SDK2: variants seen among roughly 807,000 people sequenced by gnomAD.
The protein encoded by SDK2 is protein sidekick-2.
In SDK2, 105 loss-of-function variants were observed where a neutral mutation model predicts 253.9. The observed-to-expected ratio is 0.41, with a 90% CI of 0.35 to 0.49. SDK2 has a LOEUF of 0.49. Ranked by LOEUF, SDK2 falls within the 20% of genes least tolerant of loss-of-function variation. The pLI is 0.06. For missense variants in SDK2, 2,608 were observed against 3,003.0 expected (o/e 0.87, Z 3.07); for synonymous variants, 1,249 against 1,234.9 (o/e 1.01, Z -0.24).
intron 40 of SDK2, 102 bp downstream of exon 40, chr17:73,357,977 C>A: frequency 6.4e-7 from 1 of 1,558,618 alleles, no homozygotes; most frequent in Non-Finnish European, 8.8e-7. Flanking sequence ...AGCACAAGCG[C>A]CTTCTCAGGC....
intron 16 of SDK2, among the ~76,000 whole-genome samples, chr17:73,418,023 T>TTTTG (rs1243108828): frequency 7.4e-5 from 11 of 149,400 alleles, no homozygotes; most frequent in Admixed American, 1.3e-4. Context: ...TTTTTTTTTT[T>TTTTG]TTTTTGTTTT....
intron 9 of SDK2, among the ~76,000 whole-genome samples, chr17:73,434,780 G>T (rs2063354080): frequency 6.6e-6 from 1 of 152,186 alleles, no homozygotes; most frequent in Admixed American, 6.5e-5. Context: ...ACAGGTGTGT[G>T]CCACCCTGCC....
chr17:73,363,993 C>T lies in SDK2; in HGVS notation c.5305+1265G>A, dbSNP rs1354814879. 5.9e-5 allele frequency among the ~76,000 whole-genome samples: 9 copies of T among 152,058 alleles called. No individual in the cohort carries two copies. The East Asian group carries it at 7.8e-4, about 13-fold the overall frequency. On this transcript the variant is annotated intron_variant, in intron 38 of 44. Coordinates refer to ENST00000392650, the MANE Select transcript of SDK2 (RefSeq NM_001144952.2). ...GAGGGCCATTGTTCCCTAGGCTCAC[C>T]GAGAACTGCTGGTCACAACGATGTT...
intron 2 of SDK2, among the ~76,000 whole-genome samples, chr17:73,505,477 TGTCATC>T (rs1410574249): frequency 7.0e-6 from 1 of 142,920 alleles, no homozygotes; most frequent in Non-Finnish European, 1.6e-5. Flanking sequence ...TCATTGTTAT[TGTCATC>T]ATCATCATCA....
At chr17:73,567,564 C>T (rs1356603319) in intron 1 of SDK2, among the ~76,000 whole-genome samples, 1 of 152,248 alleles carries the variant, frequency 6.6e-6, no homozygotes, top group Non-Finnish European at 1.5e-5. Flanking sequence ...CTTACAACCT[C>T]AACATGAACA....
chr17:73,350,401 C>T lies in SDK2; in HGVS notation c.5900-26G>A, dbSNP rs748511818. 3.1e-6 allele frequency: 5 copies of T among 1,603,502 alleles called. No individual in the cohort carries two copies. In the African/African-American group the frequency reaches 5.4e-5, roughly 17 times the overall value. On this transcript the variant is annotated intron_variant, in intron 42 of 44. Transcript: ENST00000392650. The stretch of plus-strand genomic sequence containing the variant: ...CTGAAGTCGGCGGGAGATTGACACC[C>T]TTTAGACTGTGTGGCCTCCCCTCTC...
intron 1 of SDK2, among the ~76,000 whole-genome samples, chr17:73,585,454 C>G (rs1001165471): frequency 1.3e-5 from 2 of 152,236 alleles, no homozygotes; most frequent in Non-Finnish European, 2.9e-5. Flanking sequence ...GACTCCTGAG[C>G]CTTCCCCAGA....
chr17:73,429,909 G>A (rs1009183607), intron 12 of SDK2, among the ~76,000 whole-genome samples: 3 of 152,228 alleles, frequency 2.0e-5, no homozygotes, highest in Admixed American at 2.0e-4. Flanking sequence ...CCACAGAGGC[G>A]GGACTGAGTT....
At position 73,350,251 on chromosome 17, in the gene SDK2, G is replaced by A. The variant is rs768917020; in HGVS notation, c.6024C>T (p.Asn2008=). ...LSVKNSFCRK[N]GLYTRSPPRP... Reference sequence around the variant, plus strand: ...GGGCCCAGTACCTGGTGTACAGGCCGTTCTTTCGGCAGAAAGAGTTCTTGA... The same window carrying A: ...GGGCCCAGTACCTGGTGTACAGGCCATTCTTTCGGCAGAAAGAGTTCTTGA... The change falls in exon 43 of 45, where the codon AAC becomes AAT. Residue 2008 remains asparagine (N), a synonymous_variant. Coordinates refer to ENST00000392650, the MANE Select transcript of SDK2 (RefSeq NM_001144952.2). The A allele has an allele frequency of 9.4e-6, 12 of 1,275,736 alleles. No individual in the cohort carries two copies. The highest frequency in any genetic ancestry group is 8.8e-5 in the Admixed American group (3 of 34,054). 79.0% of individuals were successfully genotyped at this position (1,275,736 alleles called of 1,614,324 possible).
At position 73,438,172 on chromosome 17, in the gene SDK2, A is replaced by T. The variant is rs2063385737; in HGVS notation, c.726-18T>A. 1 of 1,545,014 alleles carries T rather than the reference A, an allele frequency of 6.5e-7. No homozygotes were observed. The highest frequency in any genetic ancestry group is 1.2e-5 in the South Asian group (1 of 83,460). ...TCAGGGGCCTGCAGAGGGCAAGGGA[A>T]GGCCAGTGTTCAGCCATGAGGACTC... On this transcript the variant is annotated intron_variant, in intron 6 of 44. Transcript: ENST00000392650.
At chr17:73,436,764 G>A (rs1444745669) in intron 8 of SDK2, among the ~76,000 whole-genome samples, 2 of 151,598 alleles carry the variant, frequency 1.3e-5, no homozygotes, top group Non-Finnish European at 2.9e-5. Context: ...CCATGGTCAC[G>A]TCTCCGAGAT....
chr17:73,355,174 A>ATATATATATATATATTTTTTTTTTT, intron 40 of SDK2, among the ~76,000 whole-genome samples: 2 of 47,220 alleles, frequency 4.2e-5, no homozygotes, highest in Non-Finnish European at 6.7e-5. Flanking sequence ...ATATATATAT[A>ATATATATATATATATTTTTTTTTTT]TTTTTTTTTT....
Position 73,431,991 on chromosome 17 carries a change from C to T in SDK2, c.1313-322G>A, listed in dbSNP as rs930112786. On this transcript the variant is annotated intron_variant, in intron 10 of 44. Transcript: ENST00000392650. This position sits in a 1 kb window ranked among gnomAD's most constrained non-coding sequence, Gnocchi z 5.6. The stretch of plus-strand genomic sequence containing the variant: ...TTCCTGATGACGGTGAGCAGTAGCC[C>T]GGCACAGCCCTCAGAGGCAGCTGGC... Among the ~76,000 whole-genome samples the T allele has an allele frequency of 3.3e-5, 5 of 152,238 alleles. No individual in the cohort carries two copies. The highest frequency in any genetic ancestry group is 5.9e-5 in the Non-Finnish European group (4 of 68,010).
At chr17:73,524,338 A>T (rs527241479) in intron 1 of SDK2, among the ~76,000 whole-genome samples, 1 of 152,308 alleles carries the variant, frequency 6.6e-6, no homozygotes, top group East Asian at 1.9e-4. Flanking sequence ...AAGGAGACCA[A>T]CATGGCCCCC....
intron 36 of SDK2, 58 bp from the exon 37 acceptor site, chr17:73,368,651 G>A: frequency 8.6e-6 from 12 of 1,388,230 alleles, no homozygotes; most frequent in Non-Finnish European, 1.2e-5. Flanking sequence ...AGTCCCTCCT[G>A]TCCCTGCTGA....
At chr17:73,472,877 G>A (rs1012712805) in intron 2 of SDK2, among the ~76,000 whole-genome samples, 2 of 152,172 alleles carry the variant, frequency 1.3e-5, no homozygotes, top group African/African-American at 2.4e-5. Context: ...CCCTGCACAA[G>A]TTCTCTCTCT....
At chr17:73,631,811 A>G (rs1416126405) in intron 1 of SDK2, among the ~76,000 whole-genome samples, 1 of 152,218 alleles carries the variant, frequency 6.6e-6, no homozygotes, top group Non-Finnish European at 1.5e-5. Context: ...GAAGGTACCC[A>G]CACATCTAAA....
chr17:73,466,182 G>A (rs953199464), intron 3 of SDK2, among the ~76,000 whole-genome samples: 1 of 152,204 alleles, frequency 6.6e-6, no homozygotes, highest in African/African-American at 2.4e-5. Context: ...CTGGAGAGCA[G>A]GAGTAGAGAG....
At position 73,338,592 on chromosome 17, in the gene SDK2, C is replaced by A; in HGVS notation, c.6514G>T (p.Val2172Phe). ...TGCTTTTTCCTCTTCTGATGTCAAA[C>A]AAATGATGAAAATCCTGCTATGGGA... Reference protein sequence around the residue: ...RAPIAGFSSFV With the variant: ...RAPIAGFSSFF The change falls in exon 45 of 45, where the codon GTT becomes TTT. Residue 2172 changes from valine to phenylalanine, a missense_variant. Val to Phe is a conservative substitution (Grantham distance 50). This residue lies in a region of SDK2 where 1,103 missense variants were observed against 1,143.9 expected (regional missense o/e 0.96). Coordinates refer to ENST00000392650, the MANE Select transcript of SDK2 (RefSeq NM_001144952.2). This position sits in a 1 kb window ranked among gnomAD's most constrained non-coding sequence, Gnocchi z 5.0. 6.6e-7 allele frequency: 1 copy of A among 1,513,192 alleles called. No individual in the cohort carries two copies. Among genetic ancestry groups the A allele is most frequent in the South Asian group, 1.3e-5 (1 of 75,916 alleles). The allele number at this position is 1,513,192 out of a possible 1,614,324, so 93.7% of individuals were successfully genotyped here.
Sources: allele counts gnomAD v4.1 joint callset (sites outside exome capture counted in the v4.1 genomes callset), GRCh38; gene constraint gnomAD v4.1.1; regional missense constraint gnomAD v4.1.1; non-coding constraint Gnocchi (gnomAD v3.1); transcripts MANE v1.5; gene names NCBI Gene and HGNC (gene_info 2026-07-23, HGNC 2026-07-21).